Variants in PDE1C observed in about 807,000 individuals in gnomAD.
PDE1C encodes the protein phosphodiesterase 1C, also known as dual specificity calcium/calmodulin-dependent 3',5'-cyclic nucleotide phosphodiesterase 1C.
A neutral mutation model predicts 93.1 loss-of-function variants in PDE1C; 62 were observed. The ratio of observed to expected loss-of-function variants is 0.67; its 90% confidence interval spans 0.54 to 0.82. The LOEUF (loss-of-function observed/expected upper bound fraction) is 0.82, where lower values mean the gene tolerates loss of function less well. PDE1C is among the 40% of genes least tolerant of loss of function. The pLI is 0.00. For missense variants in PDE1C, 742 were observed against 884.6 expected (o/e 0.84, Z 2.04); for synonymous variants, 325 against 310.1 (o/e 1.05, Z -0.50).
At chr7:32,229,306 C>T (rs1584996483) in intron 1 of PDE1C, among the ~76,000 whole-genome samples, 1 of 152,260 alleles carries the variant, frequency 6.6e-6, no homozygotes, top group East Asian at 1.9e-4. Context: ...TTGTGTACAG[C>T]CAGGCAGGTT....
chr7:31,753,926 A>G (rs2128595207), intron 17 of PDE1C, among the ~76,000 whole-genome samples: 1 of 152,338 alleles, frequency 6.6e-6, no homozygotes, highest in Non-Finnish European at 1.5e-5. Flanking sequence ...ATTGTATGTA[A>G]GCTTTTAGTG....
upstream of PDE1C, among the ~76,000 whole-genome samples, chr7:32,071,679 G>A (rs909618348): frequency 6.6e-6 from 1 of 152,180 alleles, no homozygotes; most frequent in Non-Finnish European, 1.5e-5. Flanking sequence ...TCACTGTCAG[G>A]GTTCCCCTAG....
At chr7:32,022,793 C>G (rs757203288) in intron 2 of PDE1C, among the ~76,000 whole-genome samples, 32 of 151,412 alleles carry the variant, frequency 2.1e-4, no homozygotes, top group Admixed American at 7.9e-4. Context: ...CAAATTAGAT[C>G]TACTTGAAAA....
chr7:32,150,861 T>C (rs1383150619), intron 3 of PDE1C, among the ~76,000 whole-genome samples: 5 of 152,174 alleles, frequency 3.3e-5, no homozygotes, highest in Non-Finnish European at 5.9e-5. Flanking sequence ...AAGTACAGTA[T>C]CTTTTTTTAA....
chr7:32,114,422 CAGAAAA>C (rs1164670748), intron 3 of PDE1C, among the ~76,000 whole-genome samples: 2 of 151,896 alleles, frequency 1.3e-5, no homozygotes, highest in African/African-American at 2.4e-5. Context: ...CAGCCATATG[CAGAAAA>C]CTGAAACTGG....
At chr7:32,180,092 C>T (rs1215747307) in intron 2 of PDE1C, among the ~76,000 whole-genome samples, 3 of 152,036 alleles carry the variant, frequency 2.0e-5, no homozygotes, top group Non-Finnish European at 4.4e-5. Context: ...ACTTTATGCT[C>T]ACTAAAACAA....
At chr7:31,901,015 T>A (rs1799907311) in intron 2 of PDE1C, among the ~76,000 whole-genome samples, 1 of 151,644 alleles carries the variant, frequency 6.6e-6, no homozygotes, top group South Asian at 2.1e-4. Context: ...ATGACTTTTT[T>A]AAATGATAAA....
the PDE1C span, among the ~76,000 whole-genome samples, chr7:31,740,943 C>A: frequency 6.6e-6 from 1 of 151,890 alleles, no homozygotes; most frequent in Non-Finnish European, 1.5e-5. Flanking sequence ...ATGGTACATG[C>A]CTGTAGTCCC....
intron 1 of PDE1C, among the ~76,000 whole-genome samples, chr7:32,381,965 T>C (rs1784544099): frequency 6.6e-6 from 1 of 152,160 alleles, no homozygotes. Context: ...TGCCAAGCAC[T>C]GATTCGAGCA....
the PDE1C span, among the ~76,000 whole-genome samples, chr7:31,622,254 C>T: frequency 6.7e-6 from 1 of 149,172 alleles, no homozygotes; most frequent in African/African-American, 2.5e-5. Flanking sequence ...ACCAAGCGGA[C>T]CTAATAGGCA....
intron 3 of PDE1C, among the ~76,000 whole-genome samples, chr7:32,126,106 T>C (rs1035781220): frequency 2.0e-5 from 3 of 152,124 alleles, no homozygotes; most frequent in Non-Finnish European, 4.4e-5. Flanking sequence ...TTGTTTTTGT[T>C]TTCCTAGAAC....
chr7:31,926,131 G>A (rs944828407), intron 2 of PDE1C, among the ~76,000 whole-genome samples: 2 of 151,954 alleles, frequency 1.3e-5, no homozygotes, highest in Admixed American at 6.6e-5. Context: ...ACACACGTCT[G>A]TACATACACA....
intron 2 of PDE1C, among the ~76,000 whole-genome samples, chr7:32,032,546 A>G (rs2128638813): frequency 6.6e-6 from 1 of 152,328 alleles, no homozygotes; most frequent in East Asian, 1.9e-4. Flanking sequence ...TAAATACAAG[A>G]TGAATGCAAA....
At chr7:32,114,804 G>A (rs1475665921) in intron 3 of PDE1C, among the ~76,000 whole-genome samples, 1 of 137,430 alleles carries the variant, frequency 7.3e-6, no homozygotes, top group Non-Finnish European at 1.6e-5. Context: ...AGTGGGCAAA[G>A]AATATGAACA....
chr7:32,280,390 TAAAC>T (rs1015455396), intron 1 of PDE1C, among the ~76,000 whole-genome samples: 2 of 152,180 alleles, frequency 1.3e-5, no homozygotes, highest in Non-Finnish European at 2.9e-5. Context: ...AATTCTTTAA[TAAAC>T]AAATTGTCTT....
chr7:31,756,826 A>G (rs1794497577), intron 17 of PDE1C, among the ~76,000 whole-genome samples: 1 of 152,200 alleles, frequency 6.6e-6, no homozygotes, highest in African/African-American at 2.4e-5. Flanking sequence ...TGAAAGTGCA[A>G]GGAAACAGAG....
chr7:31,617,253 TAAC>T, the PDE1C span, among the ~76,000 whole-genome samples: 8 of 86,630 alleles, frequency 9.2e-5, no homozygotes, highest in Admixed American at 6.0e-4. Context: ...AGAATGGAGA[TAAC>T]AACAATTTAA....
chr7:31,791,103 T>C (rs1784552751), intron 16 of PDE1C, among the ~76,000 whole-genome samples: 1 of 152,114 alleles, frequency 6.6e-6, no homozygotes, highest in Non-Finnish European at 1.5e-5. Flanking sequence ...ACAAGGAAAG[T>C]TTCCCATTCA....
chr7:32,372,639 C>T (rs1784353697), intron 1 of PDE1C, among the ~76,000 whole-genome samples: 1 of 152,114 alleles, frequency 6.6e-6, no homozygotes, highest in African/African-American at 2.4e-5. Context: ...TGGACTTCAT[C>T]AAATTAAAAT....
Sources: allele counts gnomAD v4.1 joint callset (sites outside exome capture counted in the v4.1 genomes callset), GRCh38; gene constraint gnomAD v4.1.1; transcripts MANE v1.5; gene names NCBI Gene and HGNC (gene_info 2026-07-23, HGNC 2026-07-21).